The following HAO1 variants were observed in gnomAD, a reference collection of about 807,000 sequenced individuals.
HAO1 encodes hydroxyacid oxidase 1, also known as 2-Hydroxyacid oxidase 1.
In HAO1, 34 loss-of-function variants were observed where a neutral mutation model predicts 39.7. That is an observed-to-expected ratio of 0.86 (90% CI 0.65 to 1.14). The LOEUF is 1.14. HAO1 is among the 50% of genes most tolerant of loss of function. The probability of loss-of-function intolerance (pLI) is 0.00; values close to 1 mark genes in which losing one functional copy is unlikely to be tolerated. For missense variants in HAO1, 479 were observed against 464.5 expected, an observed-to-expected ratio of 1.03 and a Z score of -0.29; for synonymous variants, 172 against 173.2, an observed-to-expected ratio of 0.99 and a Z score of 0.05.
chr20:7,907,635 A>G (rs1600111645), intron 3 of HAO1, among the ~76,000 whole-genome samples: 1 of 152,250 alleles, frequency 6.6e-6, no homozygotes, highest in East Asian at 1.9e-4. Context: ...TCCTTCCCGT[A>G]TGACTATTTT....
intron 5 of HAO1, among the ~76,000 whole-genome samples, chr20:7,887,842 G>A (rs577208930): frequency 1.7e-4 from 26 of 152,232 alleles, no homozygotes; most frequent in East Asian, 1.4e-3. Context: ...TTTGTGTTTC[G>A]TGTGTCTGTG....
intron 3 of HAO1, among the ~76,000 whole-genome samples, chr20:7,910,610 T>C (rs916762713): frequency 6.6e-6 from 1 of 152,142 alleles, no homozygotes; most frequent in Non-Finnish European, 1.5e-5. Context: ...TTTCTCTGAC[T>C]CTGACACTCT....
intron 3 of HAO1, among the ~76,000 whole-genome samples, chr20:7,912,854 C>T (rs1035207433): frequency 6.6e-6 from 1 of 152,146 alleles, no homozygotes; most frequent in Non-Finnish European, 1.5e-5. Context: ...TATCCTAAAC[C>T]AGCCTGGTAG....
chr20:7,915,352 G>GAAGGGGAAGGAGAAGAAGAAGGGA (rs2050302007), intron 2 of HAO1, among the ~76,000 whole-genome samples: 1 of 151,634 alleles, frequency 6.6e-6, no homozygotes, highest in Non-Finnish European at 1.5e-5. Flanking sequence ...AGAATAAGAA[G>GAAGGGGAAGGAGAAGAAGAAGGGA]AAGGGGAAGG....
In HAO1 at chr20:7,895,117, G is replaced by T; in HGVS notation, c.813+16C>A. Reference sequence around the variant, plus strand: ...GGGAACTCCAAAAGGAAATCTTAGCGTCTGCCAAAACTCACAGTGGCTGGC... The same window carrying T: ...GGGAACTCCAAAAGGAAATCTTAGCTTCTGCCAAAACTCACAGTGGCTGGC... On this transcript the variant is annotated intron_variant, in intron 5 of 7. Transcript: ENST00000378789. The T allele has an allele frequency of 6.6e-7, 1 of 1,523,780 alleles. No homozygotes were observed. Among genetic ancestry groups the T allele is most frequent in the Non-Finnish European group, 9.1e-7 (1 of 1,097,624 alleles). The allele number at this position is 1,523,780 out of a possible 1,614,324, so 94.4% of individuals were successfully genotyped here.
At chr20:7,896,759 G>A (rs1410689197) in intron 4 of HAO1, among the ~76,000 whole-genome samples, 1 of 152,050 alleles carries the variant, frequency 6.6e-6, no homozygotes, top group East Asian at 1.9e-4. Context: ...TGAAACTTCA[G>A]AATATTATCC....
At chr20:7,896,995 AG>A (rs2050200828) in intron 4 of HAO1, among the ~76,000 whole-genome samples, 1 of 152,184 alleles carries the variant, frequency 6.6e-6, no homozygotes, top group Admixed American at 6.6e-5. Context: ...TGTTTGTAGT[AG>A]ATTCCTTTGT....
chr20:7,921,523 G>A (rs2050332875), intron 2 of HAO1, among the ~76,000 whole-genome samples: 2 of 152,038 alleles, frequency 1.3e-5, no homozygotes, highest in Admixed American at 1.3e-4. Context: ...AATTAAATAA[G>A]CCACTATAGA....
Position 7,885,497 on chromosome 20 carries a change from G to A in HAO1, c.1042+24C>T, listed in dbSNP as rs1317084570. 3.3e-6 allele frequency: 5 copies of A among 1,500,192 alleles called. No homozygotes were observed. The East Asian group carries it at 1.1e-4, about 34-fold the overall frequency. 92.9% of individuals were successfully genotyped at this position (1,500,192 alleles called of 1,614,324 possible). On this transcript the variant is annotated intron_variant, in intron 7 of 7. Transcript: ENST00000378789. Reference sequence around the variant, plus strand: ...CTTAAAGATCATAAAAGAAAAGAAAGTTGTAAACAAGAATGAGTCTTACCA... The same window carrying A: ...CTTAAAGATCATAAAAGAAAAGAAAATTGTAAACAAGAATGAGTCTTACCA...
chr20:7,927,563 T>C (rs1207993815), intron 2 of HAO1, among the ~76,000 whole-genome samples: 1 of 150,048 alleles, frequency 6.7e-6, no homozygotes, highest in Non-Finnish European at 1.5e-5. Flanking sequence ...CATTCAGTAT[T>C]TTTCAGTTAT....
At chr20:7,938,557 G>T (rs1274475468) in intron 1 of HAO1, among the ~76,000 whole-genome samples, 1 of 152,146 alleles carries the variant, frequency 6.6e-6, no homozygotes, top group African/African-American at 2.4e-5. Flanking sequence ...CACTTTTCCA[G>T]TTCATAACTT....
chr20:7,908,664 T>A (rs1479331824), intron 3 of HAO1, among the ~76,000 whole-genome samples: 1 of 152,168 alleles, frequency 6.6e-6, no homozygotes, highest in Non-Finnish European at 1.5e-5. Flanking sequence ...CGGACTCAGA[T>A]GGCCATTTAA....
At chr20:7,910,562 C>A (rs2050274553) in intron 3 of HAO1, among the ~76,000 whole-genome samples, 1 of 152,096 alleles carries the variant, frequency 6.6e-6, no homozygotes, top group African/African-American at 2.4e-5. Context: ...TGGTTCCTGA[C>A]CACATCATTC....
At chr20:7,936,550 G>GTGTGTGTGTGTGTGTGTGTT (rs1292549632) in intron 1 of HAO1, among the ~76,000 whole-genome samples, 188 of 141,118 alleles carry the variant, frequency 1.3e-3, no homozygotes, top group African/African-American at 3.1e-3. Flanking sequence ...GTGTGTGTTC[G>GTGTGTGTGTGTGTGTGTGTT]CGCGCGCGCG....
At position 7,895,127 on chromosome 20, in the gene HAO1, ACT is replaced by A; in HGVS notation, c.813+4_813+5del. 6.3e-7 allele frequency: 1 copy of A among 1,584,820 alleles called. No individual in the cohort carries two copies. The highest frequency in any genetic ancestry group is 2.2e-5 in the East Asian group (1 of 44,716). ...AAAGGAAATCTTAGCGTCTGCCAAA[ACT>A]CACAGTGGCTGGCACCCCATCGAGT... is the stretch of plus-strand genomic sequence containing the variant. On this transcript the variant is annotated splice_donor_5th_base_variant and intron_variant, in intron 5 of 7. Coordinates refer to ENST00000378789, the MANE Select transcript of HAO1 (RefSeq NM_017545.3).
chr20:7,896,989 T>G (rs1438801440), intron 4 of HAO1, among the ~76,000 whole-genome samples: 1 of 152,164 alleles, frequency 6.6e-6, no homozygotes, highest in African/African-American at 2.4e-5. Flanking sequence ...CTCATTTGTT[T>G]GTAGTAGATT....
chr20:7,885,058 A>C (rs1427620295), intron 7 of HAO1, among the ~76,000 whole-genome samples: 1 of 152,166 alleles, frequency 6.6e-6, no homozygotes, highest in African/African-American at 2.4e-5. Flanking sequence ...AAGAGTCAAG[A>C]ATGACTGAAG....
chr20:7,909,381 A>ATG (rs376633100), intron 3 of HAO1, among the ~76,000 whole-genome samples: 987 of 72,948 alleles, frequency 0.014, 18 homozygotes, highest in African/African-American at 0.052. Context: ...ATATATATGT[A>ATG]TATATATATA....
chr20:7,883,080 C>T lies in HAO1; in HGVS notation c.*513G>A, dbSNP rs2050134485. 6.4e-6 allele frequency: 1 copy of T among 156,798 alleles called. No homozygotes were observed. Among genetic ancestry groups the T allele is most frequent in the Non-Finnish European group, 1.4e-5 (1 of 70,490 alleles). 9.7% of individuals were successfully genotyped at this position (156,798 alleles called of 1,614,324 possible). A position where few individuals can be genotyped will look rare whatever the true frequency, so the allele number is the denominator to read the frequency against. On this transcript the variant is annotated 3_prime_UTR_variant, in exon 8 of 8. Coordinates refer to ENST00000378789, the MANE Select transcript of HAO1 (RefSeq NM_017545.3). ...CACTAAAGATGTGATTGGAAATCTACATTCAAAGAAGTATCACCAATTACC... is the reference window on the plus strand; with the variant it reads ...CACTAAAGATGTGATTGGAAATCTATATTCAAAGAAGTATCACCAATTACC...
Sources: allele counts gnomAD v4.1 joint callset (sites outside exome capture counted in the v4.1 genomes callset), GRCh38; gene constraint gnomAD v4.1.1; transcripts MANE v1.5; gene names NCBI Gene and HGNC (gene_info 2026-07-23, HGNC 2026-07-21).